Variants in ANKRD62 observed in about 807,000 individuals in gnomAD.
ANKRD62 encodes ankyrin repeat domain-containing protein 62.
A neutral mutation model predicts 98.8 loss-of-function variants in ANKRD62; 61 were observed. That is an observed-to-expected ratio of 0.62 (90% confidence interval 0.50 to 0.76). The LOEUF (loss-of-function observed/expected upper bound fraction) is 0.76. Among genes scored for constraint, ANKRD62 ranks in the 30% least tolerant of loss-of-function variants. The pLI is 0.00. For synonymous variants in ANKRD62, 341 were observed against 367.9 expected (o/e 0.93, Z 0.84); for missense variants, 933 against 1,082.9 (o/e 0.86, Z 1.94).
At chr18:12,145,158 C>A in the ANKRD62 span, among the ~76,000 whole-genome samples, 1 of 147,920 alleles carries the variant, frequency 6.8e-6, no homozygotes, top group Non-Finnish European at 1.5e-5. Flanking sequence ...TGCTGGGGGA[C>A]CACTTCTGCC....
At chr18:12,137,301 A>C in the ANKRD62 span, among the ~76,000 whole-genome samples, 5 of 152,302 alleles carry the variant, frequency 3.3e-5, no homozygotes, top group East Asian at 9.6e-4. Flanking sequence ...ATCTATTGAG[A>C]TAATCATGTG....
At chr18:12,115,067 A>T (rs1197490769) in intron 8 of ANKRD62, 21 bp from the exon 9 acceptor site, 2 of 1,392,776 alleles carry the variant, frequency 1.4e-6, no homozygotes, top group South Asian at 1.9e-5. Flanking sequence ...CCTGATTGGA[A>T]TTTTTTGGTT....
chr18:12,153,413 G>T, the ANKRD62 span, among the ~76,000 whole-genome samples: 2 of 151,840 alleles, frequency 1.3e-5, no homozygotes, highest in African/African-American at 4.8e-5. Flanking sequence ...CCAACACAGT[G>T]AAATCCCATC....
chr18:12,115,239 T>C (rs756726232), intron 9 of ANKRD62, 118 bp downstream of exon 9: 83 of 1,283,244 alleles, frequency 6.5e-5, no homozygotes, highest in Non-Finnish European at 8.3e-5. Flanking sequence ...GCGGTAACCA[T>C]TCATAAAAGC....
the ANKRD62 span, among the ~76,000 whole-genome samples, chr18:12,171,928 G>C: frequency 6.6e-6 from 1 of 151,990 alleles, no homozygotes; most frequent in African/African-American, 2.4e-5. Context: ...GATCGAATTG[G>C]CCACTGAAGC....
the ANKRD62 span, among the ~76,000 whole-genome samples, chr18:12,169,128 T>C: frequency 2.6e-5 from 4 of 152,144 alleles, no homozygotes; most frequent in East Asian, 3.9e-4. Context: ...CTCTTATTTC[T>C]TTATCTTGCC....
At chr18:12,120,382 G>A (rs954206518) in intron 10 of ANKRD62, among the ~76,000 whole-genome samples, 1 of 152,134 alleles carries the variant, frequency 6.6e-6, no homozygotes, top group African/African-American at 2.4e-5. Context: ...TTTTATCATT[G>A]TGACGTGACC....
rs1255802113 is a variant in ANKRD62, at chr18:12,102,253, C to G, written c.821-905C>G. ...GCTGGAAGCAGGCCCAGGAGCAAAACACTGACGACCCTCTCACTAGTCCAG... is the reference window on the plus strand; with the variant it reads ...GCTGGAAGCAGGCCCAGGAGCAAAAGACTGACGACCCTCTCACTAGTCCAG... On this transcript the variant is annotated intron_variant, in intron 6 of 13. Coordinates refer to ENST00000587848, the MANE Select transcript of ANKRD62 (RefSeq NM_001277333.2). 3.5e-5 allele frequency: 27 copies of G among 767,306 alleles called. 1 individual carries two copies. Among genetic ancestry groups the G allele is most frequent in the Non-Finnish European group, 2.4e-6 (1 of 412,170 alleles). 47.5% of individuals were successfully genotyped at this position (767,306 alleles called of 1,614,324 possible).
At chr18:12,107,215 TTAAA>T (rs1329395206) in intron 7 of ANKRD62, 76 bp from the exon 8 acceptor site, 9 of 921,288 alleles carry the variant, frequency 9.8e-6, no homozygotes, top group African/African-American at 5.1e-5. Context: ...AGTCAAGTGA[TTAAA>T]TGAATGAACA....
At chr18:12,121,970 C>T (rs1271905386) in intron 10 of ANKRD62, among the ~76,000 whole-genome samples, 1 of 152,130 alleles carries the variant, frequency 6.6e-6, no homozygotes, top group Non-Finnish European at 1.5e-5. Context: ...TTCTCAGTGT[C>T]TCTTTCTCTT....
chr18:12,115,049 A>C, intron 8 of ANKRD62, 39 bp from the exon 9 acceptor site: 1 of 1,342,940 alleles, frequency 7.4e-7, no homozygotes. Context: ...TTACATATTT[A>C]CTATTTGCCT....
chr18:12,116,053 T>C (rs1276614501), intron 10 of ANKRD62, among the ~76,000 whole-genome samples: 1 of 152,166 alleles, frequency 6.6e-6, no homozygotes, highest in African/African-American at 2.4e-5. Flanking sequence ...TCACAGCCAG[T>C]GCCCCAGGTG....
At position 12,125,949 on chromosome 18, in the gene ANKRD62, G is replaced by GA. The variant is rs1490144225; in HGVS notation, c.2129dup (p.Ser711GlufsTer9). The GA allele has an allele frequency of 1.3e-6, 2 of 1,537,976 alleles. No homozygotes were observed. Among genetic ancestry groups the GA allele is most frequent in the Non-Finnish European group, 1.7e-6 (2 of 1,146,932 alleles). On this transcript the variant is annotated frameshift_variant, in exon 13 of 14. Transcript: ENST00000587848. LOFTEE classifies it high-confidence loss of function. ...TCTTTCTCAGCAACTTTCTAAAGCT[G>GA]AGAGTACATCCAGTGGCCTGGAAAC... is the stretch of plus-strand genomic sequence containing the variant.
the ANKRD62 span, among the ~76,000 whole-genome samples, chr18:12,155,211 A>G: frequency 1.3e-5 from 2 of 152,166 alleles, no homozygotes; most frequent in Non-Finnish European, 2.9e-5. Context: ...TTATTTTCCC[A>G]TAACAATTTT....
At chr18:12,115,943 C>T (rs1909655298) in intron 10 of ANKRD62, among the ~76,000 whole-genome samples, 1 of 152,114 alleles carries the variant, frequency 6.6e-6, no homozygotes, top group Admixed American at 6.5e-5. Flanking sequence ...ATGTTACCTG[C>T]TTGCTTAACA....
At chr18:12,126,943 T>C (rs887039839) in intron 13 of ANKRD62, among the ~76,000 whole-genome samples, 1 of 152,230 alleles carries the variant, frequency 6.6e-6, no homozygotes, top group Non-Finnish European at 1.5e-5. Context: ...AAATTATATA[T>C]TGATACAAAC....
the ANKRD62 span, among the ~76,000 whole-genome samples, chr18:12,171,929 C>T: frequency 6.6e-6 from 1 of 152,180 alleles, no homozygotes; most frequent in Non-Finnish European, 1.5e-5. Flanking sequence ...ATCGAATTGG[C>T]CACTGAAGCT....
At position 12,094,187 on chromosome 18, in the gene ANKRD62, G is replaced by C; in HGVS notation, c.170G>C (p.Ser57Thr). Reference sequence around the variant, plus strand: ...GGTGATGTGAACAAGGTGATGGAGAGCATCTTGCTCAGGCTGAATGACTTG... The same window carrying C: ...GGTGATGTGAACAAGGTGATGGAGACCATCTTGCTCAGGCTGAATGACTTG... The part of the protein sequence containing the change: ...IAGDVNKVME[S>T]ILLRLNDLND... Residue 57 changes from serine to threonine, a missense_variant, in exon 1 of 14, where the codon AGC becomes ACC. Around this residue, in one of 3 missense-constraint regions of ANKRD62, gnomAD observed 549 missense variants for 587.9 expected, o/e 0.93. Coordinates refer to ENST00000587848, the MANE Select transcript of ANKRD62 (RefSeq NM_001277333.2). 1 of 1,531,926 alleles carries C rather than the reference G, an allele frequency of 6.5e-7. No homozygotes were observed. The highest frequency in any genetic ancestry group is 1.7e-4 in the Middle Eastern group (1 of 5,986). 94.9% of individuals were successfully genotyped at this position (1,531,926 alleles called of 1,614,324 possible). A position where few individuals can be genotyped will look rare whatever the true frequency, so the allele number is the denominator to read the frequency against.
At chr18:12,170,961 T>C in the ANKRD62 span, among the ~76,000 whole-genome samples, 1 of 77,042 alleles carries the variant, frequency 1.3e-5, no homozygotes, top group African/African-American at 5.7e-5. Context: ...ACCCCTGCTT[T>C]TTTTTTTTTT....
Sources: gnomAD v4.1 joint callset for allele counts (sites outside exome capture counted in the v4.1 genomes callset) on GRCh38, gnomAD v4.1.1 for gene constraint, gnomAD v4.1.1 regional missense constraint, MANE v1.5 for transcripts, NCBI Gene and HGNC (gene_info 2026-07-23, HGNC 2026-07-21) for gene names.